The following SLX9 variants were observed in gnomAD, a reference collection of about 807,000 sequenced individuals.
SLX9 encodes the protein SLX9 ribosome biogenesis factor.
A neutral mutation model predicts 20.8 loss-of-function variants in SLX9; 19 were observed. That is an observed-to-expected ratio of 0.91 (90% confidence interval 0.64 to 1.34). The LOEUF is 1.34. SLX9 is among the 40% of genes most tolerant of loss of function. The pLI is 0.00. For synonymous variants in SLX9, 113 were observed against 137.1 expected, an observed-to-expected ratio of 0.82 and a Z score of 1.23; for missense variants, 299 against 322.2, an observed-to-expected ratio of 0.93 and a Z score of 0.55.
At chr21:44,955,318 G>A (rs934619405) in intron 2 of SLX9, among the ~76,000 whole-genome samples, 3 of 151,890 alleles carry the variant, frequency 2.0e-5, no homozygotes, top group African/African-American at 2.4e-5. Flanking sequence ...CCGCTGCCGC[G>A]GTGCTGGGCA....
At chr21:44,950,073 T>G (rs1722995402) in intron 2 of SLX9, among the ~76,000 whole-genome samples, 1 of 151,520 alleles carries the variant, frequency 6.6e-6, no homozygotes, top group Admixed American at 6.6e-5. Flanking sequence ...CAGTACAGAC[T>G]CTGGGGTTAC....
chr21:44,941,706 C>T (rs1191541576), intron 1 of SLX9, among the ~76,000 whole-genome samples: 1 of 152,206 alleles, frequency 6.6e-6, no homozygotes, highest in African/African-American at 2.4e-5. Context: ...TGGTAGGGTG[C>T]GTCCTTGAAC....
chr21:44,941,948 C>T (rs527543765), intron 1 of SLX9, among the ~76,000 whole-genome samples: 5 of 152,264 alleles, frequency 3.3e-5, no homozygotes, highest in Admixed American at 2.0e-4. Context: ...TGCAGCCTAC[C>T]GCTCCTGGGC....
chr21:44,944,032 A>G (rs1219892251), intron 2 of SLX9, among the ~76,000 whole-genome samples, 195 bp downstream of exon 2: 1 of 152,206 alleles, frequency 6.6e-6, no homozygotes, highest in Non-Finnish European at 1.5e-5. Context: ...GGGCTGCATC[A>G]TGTCTCCGCA....
intron 1 of SLX9, among the ~76,000 whole-genome samples, chr21:44,943,459 G>A (rs2084584896): frequency 6.6e-6 from 1 of 152,192 alleles, no homozygotes; most frequent in Admixed American, 6.5e-5. Flanking sequence ...GTGATTGAAG[G>A]CAGGGAGCAG....
chr21:44,960,196 G>T, intron 3 of SLX9, 28 bp downstream of exon 3: 1 of 1,610,462 alleles, frequency 6.2e-7, no homozygotes, highest in South Asian at 1.1e-5. Flanking sequence ...TCTTGAGGCA[G>T]CTGCCGGCCC....
intron 4 of SLX9, among the ~76,000 whole-genome samples, chr21:44,970,866 A>ACCCTCAGTC (rs370181179): frequency 2.6e-5 from 4 of 151,884 alleles, no homozygotes; most frequent in African/African-American, 2.4e-5. Context: ...GCCCCTCCCA[A>ACCCTCAGTC]CCCTCAGTCC....
At chr21:44,944,398 C>T (rs1404429651) in intron 2 of SLX9, among the ~76,000 whole-genome samples, 3 of 152,198 alleles carry the variant, frequency 2.0e-5, no homozygotes, top group Non-Finnish European at 4.4e-5. Flanking sequence ...AACTCCCACT[C>T]ACTCCAGTGT....
chr21:44,974,832 C>A (rs1477107440), intron 5 of SLX9, among the ~76,000 whole-genome samples: 1 of 152,254 alleles, frequency 6.6e-6, no homozygotes, highest in Non-Finnish European at 1.5e-5. Flanking sequence ...GGCCATCGTC[C>A]TGCCTGGCCT....
At chr21:44,960,238 C>T in intron 3 of SLX9, 70 bp downstream of exon 3, 3 of 1,421,334 alleles carry the variant, frequency 2.1e-6, no homozygotes, top group Non-Finnish European at 3.0e-6. Flanking sequence ...CCTATTCCTA[C>T]AGCCTCACAT....
intron 5 of SLX9, among the ~76,000 whole-genome samples, chr21:44,973,749 G>A (rs953385823): frequency 6.7e-6 from 1 of 150,218 alleles, no homozygotes. Context: ...TGCCCTCCCA[G>A]GGGTTCAGCG....
At chr21:44,949,843 C>T (rs1051250309) in intron 2 of SLX9, among the ~76,000 whole-genome samples, 3 of 152,202 alleles carry the variant, frequency 2.0e-5, no homozygotes, top group Admixed American at 2.0e-4. Flanking sequence ...GCTTAGACCC[C>T]ACTCCACCCC....
intron 2 of SLX9, among the ~76,000 whole-genome samples, chr21:44,959,522 C>T (rs1036043348): frequency 9.9e-5 from 15 of 152,226 alleles, no homozygotes; most frequent in African/African-American, 2.4e-4. Flanking sequence ...GGTGGCTGGG[C>T]TCCGCGTGGA....
chr21:44,954,541 C>G (rs986900495), intron 2 of SLX9, among the ~76,000 whole-genome samples: 7 of 152,128 alleles, frequency 4.6e-5, no homozygotes, highest in Admixed American at 1.3e-4. Context: ...AGAAGGGAGT[C>G]GAGGTGAGCC....
intron 1 of SLX9, 25 bp downstream of exon 1, chr21:44,940,211 G>T: frequency 8.2e-7 from 1 of 1,221,996 alleles, no homozygotes; most frequent in Non-Finnish European, 1.0e-6. Context: ...CGCTGGCCGG[G>T]GGCTGCCGCG....
At chr21:44,953,964 C>T (rs1471236355) in intron 2 of SLX9, among the ~76,000 whole-genome samples, 2 of 152,222 alleles carry the variant, frequency 1.3e-5, no homozygotes, top group Admixed American at 6.5e-5. Context: ...GTGGTTCTGT[C>T]TCTTGCTTCT....
At chr21:44,965,236 A>T (rs762174840) in intron 3 of SLX9, among the ~76,000 whole-genome samples, 1 of 151,796 alleles carries the variant, frequency 6.6e-6, no homozygotes, top group Non-Finnish European at 1.5e-5. Context: ...GAAGAACTGC[A>T]CTCTCCCGTT....
At chr21:44,947,581 A>G (rs529269040) in intron 2 of SLX9, among the ~76,000 whole-genome samples, 1 of 148,634 alleles carries the variant, frequency 6.7e-6, no homozygotes, top group Non-Finnish European at 1.5e-5. Context: ...CATCGTTCCT[A>G]TCCTGTGACT....
At chr21:44,972,950 T>A (rs554631230) in intron 4 of SLX9, 1 of 581,646 alleles carries the variant, frequency 1.7e-6, no homozygotes, top group South Asian at 2.1e-5. Flanking sequence ...GGGCCCGCGG[T>A]CACAGGACGG....
Sources: gnomAD v4.1 joint callset for allele counts (sites outside exome capture counted in the v4.1 genomes callset) on GRCh38, gnomAD v4.1.1 for gene constraint, MANE v1.5 for transcripts, NCBI Gene and HGNC (gene_info 2026-07-23, HGNC 2026-07-21) for gene names.